STYXL1: variants seen among roughly 807,000 people sequenced by gnomAD.
The protein encoded by STYXL1 is serine/threonine/tyrosine-interacting-like protein 1.
In STYXL1, 32 loss-of-function variants were observed where a neutral mutation model predicts 36.4. That is an observed-to-expected ratio of 0.88 (90% CI 0.66 to 1.18). The LOEUF is 1.18. Among genes scored for constraint, STYXL1 ranks in the 50% most tolerant of loss-of-function variants. The probability of loss-of-function intolerance (pLI) is 0.00; values close to 1 mark genes in which losing one functional copy is unlikely to be tolerated. For synonymous variants in STYXL1, 133 were observed against 144.1 expected (o/e 0.92, Z 0.55); for missense variants, 354 against 394.1 (o/e 0.90, Z 0.86).
chr7:76,002,244 G>A (rs1791045485), intron 7 of STYXL1, among the ~76,000 whole-genome samples: 1 of 152,186 alleles, frequency 6.6e-6, no homozygotes, highest in Non-Finnish European at 1.5e-5. Context: ...GTTCTGTGCT[G>A]AGCCCAGTGC....
intron 3 of STYXL1, among the ~76,000 whole-genome samples, chr7:76,026,588 T>C (rs782684509): frequency 9.2e-5 from 14 of 152,236 alleles, no homozygotes; most frequent in South Asian, 6.2e-4. Flanking sequence ...CGCCCAAAAT[T>C]TTAGATGTAA....
At chr7:76,008,526 G>A (rs1422364854) in intron 5 of STYXL1, among the ~76,000 whole-genome samples, 3 of 152,184 alleles carry the variant, frequency 2.0e-5, no homozygotes, top group East Asian at 1.9e-4. Context: ...TACCAGCTTC[G>A]AAAGCCATTA....
intron 3 of STYXL1, among the ~76,000 whole-genome samples, chr7:76,024,590 C>T (rs1794455432): frequency 6.6e-6 from 1 of 151,826 alleles, no homozygotes; most frequent in Non-Finnish European, 1.5e-5. Context: ...GCACTCCAGC[C>T]TAAGCGAGAG....
intron 5 of STYXL1, among the ~76,000 whole-genome samples, chr7:76,007,057 G>A (rs549841664): frequency 6.6e-6 from 1 of 152,132 alleles, no homozygotes; most frequent in East Asian, 1.9e-4. Context: ...TTCCCTAAAC[G>A]ATACAGTATA....
intron 1 of STYXL1, among the ~76,000 whole-genome samples, chr7:76,046,277 TGTG>T (rs1796961498): frequency 1.7e-3 from 31 of 17,994 alleles, no homozygotes; most frequent in African/African-American, 3.2e-3. Context: ...TTATCTGCTG[TGTG>T]TGTGTGTGTG....
At chr7:76,005,871 GAGAGGAGGAGAGAGGAGGA>G (rs1473433294) in intron 5 of STYXL1, among the ~76,000 whole-genome samples, 1 of 30,010 alleles carries the variant, frequency 3.3e-5, no homozygotes, top group Non-Finnish European at 9.8e-5. Context: ...AGGAGGAAGA[GAGAGGAGGAGAGAGGAGGA>G]GGAGGAGGAG....
chr7:76,046,686 G>A (rs530531222), intron 1 of STYXL1, among the ~76,000 whole-genome samples: 3 of 122,172 alleles, frequency 2.5e-5, no homozygotes, highest in Non-Finnish European at 4.8e-5. Flanking sequence ...TTTCTCCGTC[G>A]CCCAAGCTGG....
chr7:76,025,064 G>A (rs1339090645), intron 3 of STYXL1, among the ~76,000 whole-genome samples: 2 of 151,442 alleles, frequency 1.3e-5, no homozygotes, highest in Non-Finnish European at 2.9e-5. Flanking sequence ...GTGCTGCTAA[G>A]GTGTCAGGTG....
At chr7:76,005,839 GGAGGAA>G (rs1442399778) in intron 5 of STYXL1, among the ~76,000 whole-genome samples, 2 of 24,280 alleles carry the variant, frequency 8.2e-5, no homozygotes, top group East Asian at 9.0e-4. Context: ...AGAGAGAGGA[GGAGGAA>G]GAGAGAGGAG....
chr7:76,003,934 G>A (rs1281944220), intron 6 of STYXL1, 79 bp from the exon 7 acceptor site: 4 of 1,315,318 alleles, frequency 3.0e-6, no homozygotes, highest in Non-Finnish European at 4.3e-6. Context: ...CATCACAGCA[G>A]AAGGGCCACA....
intron 3 of STYXL1, among the ~76,000 whole-genome samples, chr7:76,023,224 C>G (rs1794287098): frequency 6.6e-6 from 1 of 152,128 alleles, no homozygotes; most frequent in Non-Finnish European, 1.5e-5. Context: ...AGGCTTAAGT[C>G]ACGAACCCCA....
rs1554578940 is a variant in STYXL1, at chr7:76,030,478, G to C, written c.46C>G (p.Leu16Val). Residue 16 changes from leucine to valine, a missense_variant, in exon 2 of 9, where the codon CTG (leucine) becomes GTG (valine). Leu to Val is a conservative substitution (Grantham distance 32). Transcript: ENST00000359697. ...CTGGAGAGTTTTGTGGCCTGATTCA[G>C]GATGTTGTAAAGCTCTGTTGGTTCA... ...LCEPTELYNI[L>V]NQATKLSRLT... 6.2e-7 allele frequency: 1 copy of C among 1,614,000 alleles called. No homozygotes were observed.
At chr7:76,028,497 G>A in intron 3 of STYXL1, 145 bp downstream of exon 3, 1 of 699,146 alleles carries the variant, frequency 1.4e-6, no homozygotes, top group Non-Finnish European at 2.6e-6. Flanking sequence ...GTGTGAGGGT[G>A]AGAGGTGTGG....
At chr7:76,037,013 T>C (rs1445734955) in intron 1 of STYXL1, among the ~76,000 whole-genome samples, 4 of 149,658 alleles carry the variant, frequency 2.7e-5, no homozygotes, top group African/African-American at 9.8e-5. Flanking sequence ...CTCAATCTCC[T>C]GACCTCGTGA....
rs1309916948 is a variant in STYXL1 at position 76,005,365 on chromosome 7, GC to G, written c.492del (p.Pro165GlnfsTer21). 6.2e-7 allele frequency: 1 copy of G among 1,613,292 alleles called. No individual in the cohort carries two copies. Among genetic ancestry groups the G allele is most frequent in the Non-Finnish European group, 8.5e-7 (1 of 1,179,532 alleles). ...AAATTGCCAACGAAGACCTTCCCTG[GC>G]ACGATTTCAATGGGGTATGGCTGAA... ...DAFQPYPIEI[V>X]PGKVFVGNFS... On this transcript the variant is annotated frameshift_variant, in exon 6 of 9. Transcript: ENST00000359697. LOFTEE classifies it high-confidence loss of function.
chr7:76,004,373 G>A (rs747579334), intron 6 of STYXL1, among the ~76,000 whole-genome samples: 7 of 151,814 alleles, frequency 4.6e-5, no homozygotes, highest in Admixed American at 2.6e-4. Flanking sequence ...GGGATTACAG[G>A]TGTGAGCCAC....
intron 1 of STYXL1, among the ~76,000 whole-genome samples, chr7:76,031,714 CAA>C (rs11395068): frequency 7.6e-4 from 102 of 134,688 alleles, no homozygotes; most frequent in Non-Finnish European, 8.4e-4. Flanking sequence ...GACTCCATCT[CAA>C]AAAAAAAAAA....
At chr7:76,005,173 TAAA>T (rs1363353661) in intron 6 of STYXL1, 83 bp downstream of exon 6, 1 of 880,350 alleles carries the variant, frequency 1.1e-6, no homozygotes, top group Non-Finnish European at 1.4e-6. Flanking sequence ...GTAATAATAA[TAAA>T]ATTAAAAAAA....
intron 3 of STYXL1, among the ~76,000 whole-genome samples, chr7:76,024,125 A>AC (rs1338327368): frequency 2.0e-5 from 3 of 151,876 alleles, no homozygotes; most frequent in Non-Finnish European, 4.4e-5. Context: ...CAAACTCCCC[A>AC]CCTCGGCCTC....
Sources: gnomAD v4.1 joint callset for allele counts (sites outside exome capture counted in the v4.1 genomes callset) on GRCh38, gnomAD v4.1.1 for gene constraint, MANE v1.5 for transcripts, NCBI Gene and HGNC (gene_info 2026-07-23, HGNC 2026-07-21) for gene names.